Variants in KMT2A observed in about 807,000 individuals in gnomAD.
KMT2A encodes histone-lysine N-methyltransferase 2A.
Under a neutral mutation model 345.3 loss-of-function variants are expected in KMT2A, and 16 were observed. That is an observed-to-expected ratio of 0.05 (90% CI 0.03 to 0.07). The LOEUF is 0.07. Among genes scored for constraint, KMT2A ranks in the 10% least tolerant of loss-of-function variants. The pLI is 1.00. For missense variants in KMT2A, 3,272 were observed against 4,841.6 expected (o/e 0.68, Z 9.62); for synonymous variants, 1,599 against 1,778.6 (o/e 0.90, Z 2.54).
chr11:118,507,741 G>A, intron 28 of KMT2A, 132 bp downstream of exon 28: 1 of 674,520 alleles, frequency 1.5e-6, no homozygotes, highest in Non-Finnish European at 2.6e-6. Flanking sequence ...GAGGCAGGTG[G>A]ATCACGAGGT....
rs1434966196 is a variant in KMT2A, at chr11:118,506,459, T to C, written c.10567T>C (p.Ser3523Pro). The C allele has an allele frequency of 2.5e-6, 4 of 1,614,032 alleles. No homozygotes were observed. In the African/African-American group the frequency reaches 4.0e-5, roughly 16 times the overall value. The change falls in exon 27 of 36, where the codon TCT becomes CCT. Residue 3523 changes from serine (S) to proline (P), a missense_variant. Around this residue, in one of 27 missense-constraint regions of KMT2A, gnomAD observed 748 missense variants for 922.2 expected, o/e 0.81. Transcript: ENST00000534358. The part of the protein sequence containing the change: ...TSPGGSPSSP[S>P]SGQRSASPSV... ...TCCTGGGGGTTCTCCATCCTCTCCA[T>C]CTTCTGGACAGCGGTCAGCAAGCCC...
At chr11:118,518,576 T>C (rs868944048) in intron 31 of KMT2A, among the ~76,000 whole-genome samples, 1 of 147,034 alleles carries the variant, frequency 6.8e-6, no homozygotes, top group Non-Finnish European at 1.5e-5. Context: ...AGGTCAGGAG[T>C]TTAAGACCAG....
At chr11:118,486,062 G>A (rs1038916998) in intron 10 of KMT2A, among the ~76,000 whole-genome samples, 1 of 152,060 alleles carries the variant, frequency 6.6e-6, no homozygotes, top group Non-Finnish European at 1.5e-5. Flanking sequence ...CCGCCTGGGC[G>A]ACAGAGCAAG....
intron 10 of KMT2A, among the ~76,000 whole-genome samples, chr11:118,487,424 G>C (rs992056966): frequency 6.6e-6 from 1 of 152,002 alleles, no homozygotes; most frequent in African/African-American, 2.4e-5. Context: ...TCCTCCATGC[G>C]AATTTTTTAA....
At position 118,505,844 on chromosome 11, in the gene KMT2A, G is replaced by A; in HGVS notation, c.9952G>A (p.Gly3318Ser). 6.2e-7 allele frequency: 1 copy of A among 1,614,158 alleles called. No homozygotes were observed. Among genetic ancestry groups the A allele is most frequent in the Non-Finnish European group, 8.5e-7 (1 of 1,180,032 alleles). The change falls in exon 27 of 36, where the codon GGC (glycine) becomes AGC (serine). Residue 3318 changes from glycine to serine, a missense_variant. By Grantham distance (56) the Gly-to-Ser change is moderately conservative. Transcript: ENST00000534358. This position sits in a 1 kb window ranked among gnomAD's most constrained non-coding sequence, Gnocchi z 4.6. ...GGGAGGAACTGCTGCCACAGCGGCA[G>A]GCACATCAACAATAAGCCAGGATAC... ...SVGGTAATAA[G>S]TSTISQDTSH...
At chr11:118,507,403 G>A (rs2134418659) in intron 27 of KMT2A, 126 bp from the exon 28 acceptor site, 1 of 750,358 alleles carries the variant, frequency 1.3e-6, no homozygotes, top group Non-Finnish European at 2.3e-6. Context: ...TATGACCTTA[G>A]GTCAGTTTTG....
chr11:118,458,567 A>G (rs1949690097), intron 1 of KMT2A, among the ~76,000 whole-genome samples: 1 of 152,262 alleles, frequency 6.6e-6, no homozygotes, highest in Non-Finnish European at 1.5e-5. Flanking sequence ...GATATTAGAA[A>G]TACAAAAATG....
rs2134395111 is a variant in KMT2A at position 118,503,791 on chromosome 11, G to A, written c.7899G>A (p.Gly2633=). 6.2e-7 allele frequency: 1 copy of A among 1,614,118 alleles called. No individual in the cohort carries two copies. Among genetic ancestry groups the A allele is most frequent in the East Asian group, 2.2e-5 (1 of 44,888 alleles). ...SARARSNMFF[G]LTPLYGVRSY... is the part of the protein sequence containing the mutation. ...GTGCACGTTCTAACATGTTTTTTGG[G>A]CTTACCCCACTCTATGGAGTAAGAT... Residue 2633 remains glycine, a synonymous_variant, in exon 27 of 36, where the codon GGG becomes GGA. Coordinates refer to ENST00000534358, the MANE Select transcript of KMT2A (RefSeq NM_001197104.2). This position sits in a 1 kb window ranked among gnomAD's most constrained non-coding sequence, Gnocchi z 5.3.
At chr11:118,456,166 C>T (rs1949638177) in intron 1 of KMT2A, among the ~76,000 whole-genome samples, 1 of 151,790 alleles carries the variant, frequency 6.6e-6, no homozygotes, top group Non-Finnish European at 1.5e-5. Context: ...AGCCATTGCT[C>T]ATTACCTTCA....
rs1464696709 is a variant in KMT2A at position 118,496,055 on chromosome 11, G to A, written c.5557+162G>A. On this transcript the variant is annotated intron_variant, in intron 19 of 35. Coordinates refer to ENST00000534358, the MANE Select transcript of KMT2A (RefSeq NM_001197104.2). This position sits in a 1 kb window ranked among gnomAD's most constrained non-coding sequence, Gnocchi z 4.7. ...TCATTAATTTTGCTTCACTTGAGGT[G>A]TTAATGAGGACTTGATATAAATACT... Among the ~76,000 whole-genome samples the A allele has an allele frequency of 6.6e-6, 1 of 152,212 alleles. No homozygotes were observed. The highest frequency in any genetic ancestry group is 1.5e-5 in the Non-Finnish European group (1 of 68,034).
rs1555049624 is a variant in KMT2A, at chr11:118,509,932, A to G, written c.10901-16A>G. 3 of 1,580,988 alleles carry G rather than the reference A, an allele frequency of 1.9e-6. No homozygotes were observed. Among genetic ancestry groups the G allele is most frequent in the Admixed American group, 1.8e-5 (1 of 56,114 alleles). ...GCATTTGTTACTGCAACCACTATCT[A>G]TTTTCTCCCTATTAGAACCTAAAAC... On this transcript the variant is annotated splice_polypyrimidine_tract_variant and intron_variant, in intron 29 of 35. Transcript: ENST00000534358.
intron 1 of KMT2A, among the ~76,000 whole-genome samples, chr11:118,451,791 C>T (rs1328014570): frequency 1.3e-5 from 2 of 151,956 alleles, no homozygotes; most frequent in Non-Finnish European, 2.9e-5. Context: ...CATGCCCAGC[C>T]TCTCATTCTT....
At chr11:118,447,896 TTGTC>T (rs1949454674) in intron 1 of KMT2A, 1 of 210,636 alleles carries the variant, frequency 4.7e-6, no homozygotes, top group African/African-American at 2.3e-5. Flanking sequence ...GTAATGATGG[TTGTC>T]ATTACAGTCA....
Position 118,522,335 on chromosome 11 carries a change from T to A in KMT2A, c.*163T>A. 1 of 651,414 alleles carries A rather than the reference T, an allele frequency of 1.5e-6. No homozygotes were observed. Among genetic ancestry groups the A allele is most frequent in the Non-Finnish European group, 2.6e-6 (1 of 383,020 alleles). 40.4% of individuals were successfully genotyped at this position (651,414 alleles called of 1,614,324 possible). A position where few individuals can be genotyped will look rare whatever the true frequency, so the allele number is the denominator to read the frequency against. On this transcript the variant is annotated 3_prime_UTR_variant, in exon 36 of 36. Coordinates refer to ENST00000534358, the MANE Select transcript of KMT2A (RefSeq NM_001197104.2). The surrounding 1 kb of genome is among the most constrained non-coding windows in gnomAD (Gnocchi z 5.4). ...ATGTCCTATACTCACATCAGACATG[T>A]GATCATAGTCCCAGAGACAGAGTTG... is the stretch of plus-strand genomic sequence containing the variant.
In KMT2A at chr11:118,506,509, C is replaced by A; in HGVS notation, c.10617C>A (p.Pro3539=). 1 of 1,614,156 alleles carries A rather than the reference C, an allele frequency of 6.2e-7. No individual in the cohort carries two copies. Among genetic ancestry groups the A allele is most frequent in the Non-Finnish European group, 8.5e-7 (1 of 1,180,026 alleles). ...CTTCAGTGCCGGGTCCCACTAAACC[C>A]AAACCAAAAACCAAACGGTTTCAGC... ...ASPSVPGPTK[P]KPKTKRFQLP... is the part of the protein sequence containing the mutation. The change falls in exon 27 of 36, where the codon CCC becomes CCA. Residue 3539 remains proline, a synonymous_variant. Coordinates refer to ENST00000534358, the MANE Select transcript of KMT2A (RefSeq NM_001197104.2).
At chr11:118,441,427 A>G (rs1949311900) in intron 1 of KMT2A, among the ~76,000 whole-genome samples, 1 of 152,146 alleles carries the variant, frequency 6.6e-6, no homozygotes, top group South Asian at 2.1e-4. Flanking sequence ...ATGAGGATAA[A>G]GTTTTTACAC....
At chr11:118,480,897 G>A (rs782791692) in intron 6 of KMT2A, among the ~76,000 whole-genome samples, 1 of 152,022 alleles carries the variant, frequency 6.6e-6, no homozygotes, top group Non-Finnish European at 1.5e-5. Flanking sequence ...GAACTCCTGG[G>A]CTCAAGCAAT....
rs782659759 is a variant in KMT2A, at chr11:118,473,442, G to A, written c.2283G>A (p.Arg761=). ...ACTCCATGAGGACAAGAAGTGGAAG[G>A]CTTAGTAGTTCTGAGCTCTCACCTC... The part of the protein sequence containing the change: ...PSHSMRTRSG[R]LSSSELSPLT... The change falls in exon 3 of 36, where the codon AGG becomes AGA. Residue 761 remains arginine, a synonymous_variant. Coordinates refer to ENST00000534358, the MANE Select transcript of KMT2A (RefSeq NM_001197104.2). This position sits in a 1 kb window ranked among gnomAD's most constrained non-coding sequence, Gnocchi z 5.2. The A allele has an allele frequency of 6.2e-7, 1 of 1,614,158 alleles. No individual in the cohort carries two copies. Among genetic ancestry groups the A allele is most frequent in the Non-Finnish European group, 8.5e-7 (1 of 1,180,034 alleles).
Position 118,496,154 on chromosome 11 carries a change from T to C in KMT2A, c.5558-107T>C. The C allele has an allele frequency of 1.2e-6, 1 of 858,020 alleles. No homozygotes were observed. Among genetic ancestry groups the C allele is most frequent in the Non-Finnish European group, 1.9e-6 (1 of 517,340 alleles). 53.2% of individuals were successfully genotyped at this position (858,020 alleles called of 1,614,324 possible). On this transcript the variant is annotated intron_variant, in intron 19 of 35. Transcript: ENST00000534358. The surrounding 1 kb of genome is among the most constrained non-coding windows in gnomAD (Gnocchi z 4.7). Reference sequence around the variant, plus strand: ...TTTGAAAAGTGGTTATTTTATAGGCTGTGGGCTATGTAAGCTGAATTATTT... The same window carrying C: ...TTTGAAAAGTGGTTATTTTATAGGCCGTGGGCTATGTAAGCTGAATTATTT...
Sources: gnomAD v4.1 joint callset for allele counts (sites outside exome capture counted in the v4.1 genomes callset) on GRCh38, gnomAD v4.1.1 for gene constraint, gnomAD v4.1.1 regional missense constraint, Gnocchi (gnomAD v3.1) non-coding constraint, MANE v1.5 for transcripts, NCBI Gene and HGNC (gene_info 2026-07-23, HGNC 2026-07-21) for gene names.